The following CSMD3 variants were observed in gnomAD, a reference collection of about 807,000 sequenced individuals.
CSMD3 encodes the protein CUB and Sushi multiple domains 3.
A neutral mutation model predicts 435.2 loss-of-function variants in CSMD3; 177 were observed. That is an observed-to-expected ratio of 0.41 (90% CI 0.36 to 0.46). CSMD3 has a LOEUF of 0.46. CSMD3 is among the 20% of genes least tolerant of loss of function. The probability of loss-of-function intolerance (pLI) is 0.34; values close to 1 mark genes in which losing one functional copy is unlikely to be tolerated. For synonymous variants in CSMD3, 1,656 were observed against 1,520.5 expected, an observed-to-expected ratio of 1.09 and a Z score of -2.07; for missense variants, 4,265 against 4,504.6, an observed-to-expected ratio of 0.95 and a Z score of 1.52.
At chr8:112,841,757 A>G (rs1041477370) in intron 11 of CSMD3, among the ~76,000 whole-genome samples, 15 of 151,676 alleles carry the variant, frequency 9.9e-5, no homozygotes, top group Non-Finnish European at 1.9e-4. Context: ...TAGGGTGGAC[A>G]CTGAAGAGGT....
intron 3 of CSMD3, among the ~76,000 whole-genome samples, chr8:113,221,841 C>T (rs566307635): frequency 6.6e-6 from 1 of 151,430 alleles, no homozygotes; most frequent in South Asian, 2.1e-4. Flanking sequence ...TTCCTCAAAG[C>T]ACTTGCTATT....
intron 54 of CSMD3, among the ~76,000 whole-genome samples, chr8:112,294,494 C>A (rs1820070851): frequency 6.6e-6 from 1 of 151,952 alleles, no homozygotes; most frequent in Non-Finnish European, 1.5e-5. Context: ...ACTTTAAGAT[C>A]CAAAGTAGGA....
At chr8:113,187,945 G>T (rs1588234457) in intron 3 of CSMD3, among the ~76,000 whole-genome samples, 2 of 151,854 alleles carry the variant, frequency 1.3e-5, no homozygotes, top group African/African-American at 4.8e-5. Flanking sequence ...TTATCAATAT[G>T]TTTCATGTAT....
intron 1 of CSMD3, among the ~76,000 whole-genome samples, chr8:113,417,087 G>T (rs1030444869): frequency 5.9e-5 from 9 of 151,984 alleles, no homozygotes; most frequent in African/African-American, 2.2e-4. Context: ...TATTAGTGAA[G>T]AAACTTTAGA....
intron 11 of CSMD3, among the ~76,000 whole-genome samples, chr8:112,850,223 G>A (rs1490551489): frequency 6.6e-6 from 1 of 152,160 alleles, no homozygotes; most frequent in East Asian, 1.9e-4. Context: ...GTAAGAAATG[G>A]AGTGACTAAA....
intron 29 of CSMD3, among the ~76,000 whole-genome samples, chr8:112,504,860 C>T (rs1241658951): frequency 1.3e-5 from 2 of 152,052 alleles, no homozygotes; most frequent in African/African-American, 4.8e-5. Flanking sequence ...AGGATAGATT[C>T]ATTTAGGTCA....
At chr8:112,888,965 C>T (rs112980708) in intron 10 of CSMD3, among the ~76,000 whole-genome samples, 2 of 151,694 alleles carry the variant, frequency 1.3e-5, no homozygotes, top group African/African-American at 4.8e-5. Context: ...CATTCAAATG[C>T]TAATATTAAG....
intron 7 of CSMD3, among the ~76,000 whole-genome samples, chr8:112,974,771 A>G (rs1180978579): frequency 6.6e-6 from 1 of 151,788 alleles, no homozygotes; most frequent in Non-Finnish European, 1.5e-5. Flanking sequence ...TTTTTGTATT[A>G]TTTTTAATTA....
intron 4 of CSMD3, among the ~76,000 whole-genome samples, chr8:113,121,238 CAAGAT>C (rs1441469283): frequency 6.6e-6 from 1 of 151,918 alleles, no homozygotes; most frequent in Admixed American, 6.6e-5. Context: ...TGACACCAGA[CAAGAT>C]TAACAAAAGA....
chr8:113,381,433 A>T (rs1191624837), intron 1 of CSMD3, among the ~76,000 whole-genome samples: 1 of 152,160 alleles, frequency 6.6e-6, no homozygotes, highest in Non-Finnish European at 1.5e-5. Flanking sequence ...GCAAAATTGA[A>T]AAAAGAAGAT....
intron 37 of CSMD3, among the ~76,000 whole-genome samples, chr8:112,382,810 C>T (rs1337505837): frequency 3.9e-5 from 6 of 151,986 alleles, no homozygotes; most frequent in South Asian, 2.1e-4. Context: ...GCCAACATAG[C>T]GAAACCCCAT....
chr8:113,164,063 A>C (rs1423698207), intron 4 of CSMD3, among the ~76,000 whole-genome samples: 1 of 152,020 alleles, frequency 6.6e-6, no homozygotes, highest in Non-Finnish European at 1.5e-5. Flanking sequence ...ACTATAAACT[A>C]ATCGTGTTTT....
intron 45 of CSMD3, among the ~76,000 whole-genome samples, chr8:112,330,015 T>C (rs557068702): frequency 2.0e-5 from 3 of 152,168 alleles, no homozygotes; most frequent in South Asian, 2.1e-4. Context: ...TAAAACACTT[T>C]ACGGGTTCTG....
intron 27 of CSMD3, among the ~76,000 whole-genome samples, chr8:112,530,176 C>T (rs1444561666): frequency 6.6e-6 from 1 of 151,792 alleles, no homozygotes; most frequent in Non-Finnish European, 1.5e-5. Context: ...ATTTAGGGAC[C>T]AATATTTACA....
chr8:112,620,652 C>T (rs1160690009), intron 22 of CSMD3, among the ~76,000 whole-genome samples: 2 of 152,096 alleles, frequency 1.3e-5, no homozygotes, highest in African/African-American at 2.4e-5. Flanking sequence ...ACAGACTTCC[C>T]GAGGCCAGCC....
chr8:112,669,258 T>G (rs1263840732), intron 16 of CSMD3, among the ~76,000 whole-genome samples: 1 of 152,126 alleles, frequency 6.6e-6, no homozygotes, highest in Non-Finnish European at 1.5e-5. Flanking sequence ...CTTGAACTTC[T>G]GATCTCAGGT....
At chr8:112,941,067 C>T (rs2083437839) in intron 9 of CSMD3, among the ~76,000 whole-genome samples, 1 of 151,480 alleles carries the variant, frequency 6.6e-6, no homozygotes, top group Non-Finnish European at 1.5e-5. Context: ...AAAACATGAG[C>T]TAAGAAGTTA....
At chr8:112,742,589 A>T (rs1397877237) in intron 13 of CSMD3, among the ~76,000 whole-genome samples, 1 of 151,956 alleles carries the variant, frequency 6.6e-6, no homozygotes, top group African/African-American at 2.4e-5. Context: ...GAGATTTAAT[A>T]GGTCAGAGAA....
intron 5 of CSMD3, among the ~76,000 whole-genome samples, chr8:113,066,729 C>A (rs990591703): frequency 1.1e-4 from 16 of 151,758 alleles, no homozygotes. Context: ...ATTTACAAAG[C>A]AAATTTATAG....
Sources: allele counts gnomAD v4.1 joint callset (sites outside exome capture counted in the v4.1 genomes callset), GRCh38; gene constraint gnomAD v4.1.1; transcripts MANE v1.5; gene names NCBI Gene and HGNC (gene_info 2026-07-23, HGNC 2026-07-21).